Variants in ASXL3 observed in about 807,000 individuals in gnomAD.
The protein encoded by ASXL3 is ASXL transcriptional regulator 3.
A neutral mutation model predicts 170.6 loss-of-function variants in ASXL3; 34 were observed. The observed-to-expected ratio is 0.20, with a 90% CI of 0.15 to 0.27. ASXL3 has a LOEUF of 0.27. Ranked by LOEUF, ASXL3 falls within the 10% of genes least tolerant of loss-of-function variation. The probability of loss-of-function intolerance (pLI) is 1.00; values close to 1 mark genes in which losing one functional copy is unlikely to be tolerated. For missense variants in ASXL3, 2,592 were observed against 2,695.3 expected, an observed-to-expected ratio of 0.96 and a Z score of 0.85; for synonymous variants, 1,002 against 989.1, an observed-to-expected ratio of 1.01 and a Z score of -0.24.
chr18:33,710,493 G>A (rs1383979427), intron 8 of ASXL3, among the ~76,000 whole-genome samples: 3 of 152,128 alleles, frequency 2.0e-5, no homozygotes, highest in East Asian at 3.9e-4. Context: ...CATAGTTCAC[G>A]TAAAGGAATG....
chr18:33,586,534 T>G (rs1384556097), intron 1 of ASXL3, among the ~76,000 whole-genome samples: 2 of 152,168 alleles, frequency 1.3e-5, no homozygotes, highest in African/African-American at 4.8e-5. Context: ...ATCAGATTTC[T>G]TGATAGCTTC....
intron 8 of ASXL3, among the ~76,000 whole-genome samples, chr18:33,695,451 A>G (rs538714195): frequency 3.9e-5 from 6 of 152,188 alleles, no homozygotes; most frequent in African/African-American, 1.4e-4. Context: ...GTGGGTATGG[A>G]GGTATATATA....
At position 33,578,554 on chromosome 18, in the gene ASXL3, C is replaced by T. The variant is rs2064965094; in HGVS notation, c.-78C>T. On this transcript the variant is annotated 5_prime_UTR_variant, in exon 1 of 12. Coordinates refer to ENST00000269197, the MANE Select transcript of ASXL3 (RefSeq NM_030632.3). ...AGTGCGGGTCACCGGGTCACTGGGTCATTGTCTCCGCGCCCGAACCCCGAG... is the reference window on the plus strand; with the variant it reads ...AGTGCGGGTCACCGGGTCACTGGGTTATTGTCTCCGCGCCCGAACCCCGAG... The T allele has an allele frequency of 3.3e-6, 3 of 921,640 alleles. No homozygotes were observed. The highest frequency in any genetic ancestry group is 4.3e-6 in the Non-Finnish European group (3 of 702,302). The allele number at this position is 921,640 out of a possible 1,614,324, so 57.1% of individuals were successfully genotyped here.
At chr18:33,611,518 A>G (rs1263862670) in intron 2 of ASXL3, among the ~76,000 whole-genome samples, 3 of 151,978 alleles carry the variant, frequency 2.0e-5, no homozygotes, top group Non-Finnish European at 2.9e-5. Context: ...TCAACAGTTG[A>G]TCAATCAAAG....
rs918151640 is a variant in ASXL3 at position 33,649,169 on chromosome 18, A to T, written c.355+2816A>T. 6.6e-5 allele frequency among the ~76,000 whole-genome samples: 10 copies of T among 152,230 alleles called. No individual in the cohort carries two copies. In the East Asian group the frequency reaches 1.9e-3, roughly 30 times the overall value. On this transcript the variant is annotated intron_variant, in intron 4 of 11. Coordinates refer to ENST00000269197, the MANE Select transcript of ASXL3 (RefSeq NM_030632.3). The stretch of plus-strand genomic sequence containing the variant: ...AATTATTCACTAATGGGAACATTTC[A>T]GTTAAGGAAAATTGATAATGTGGCA...
chr18:33,603,223 G>A lies in ASXL3; in HGVS notation c.55-4371G>A, dbSNP rs542761906. ...TGTTGATCTTAGAGATACTTAGAAT[G>A]AGTTTTCTCTTTGAGAGACACCAAG... On this transcript the variant is annotated intron_variant, in intron 1 of 11. Transcript: ENST00000269197. 1.2e-4 allele frequency among the ~76,000 whole-genome samples: 19 copies of A among 152,102 alleles called. No homozygotes were observed. In the East Asian group the frequency reaches 3.5e-3, roughly 28 times the overall value.
intron 10 of ASXL3, among the ~76,000 whole-genome samples, chr18:33,737,931 G>T (rs910620240): frequency 1.3e-5 from 2 of 151,906 alleles, no homozygotes; most frequent in African/African-American, 2.4e-5. Context: ...TCTACTTGCA[G>T]ATTTAAAAAA....
chr18:33,717,335 A>G (rs887384667), intron 8 of ASXL3, among the ~76,000 whole-genome samples: 1 of 152,148 alleles, frequency 6.6e-6, no homozygotes, highest in Admixed American at 6.6e-5. Flanking sequence ...TTTTAAGGGC[A>G]TATTTGAGAA....
chr18:33,741,109 G>T (rs1480719579), intron 11 of ASXL3, among the ~76,000 whole-genome samples: 1 of 152,170 alleles, frequency 6.6e-6, no homozygotes, highest in Non-Finnish European at 1.5e-5. Flanking sequence ...TAGTAAGCAA[G>T]ATTCTAGAGG....
intron 2 of ASXL3, among the ~76,000 whole-genome samples, chr18:33,633,902 T>C (rs1041213768): frequency 6.6e-6 from 1 of 150,800 alleles, no homozygotes; most frequent in Non-Finnish European, 1.5e-5. Flanking sequence ...TGTTAAGGCA[T>C]TGAAAGAATT....
chr18:33,596,207 AGAAGACATATAGCTTAGTTCCTT>A (rs2065125308), intron 1 of ASXL3, among the ~76,000 whole-genome samples: 1 of 152,214 alleles, frequency 6.6e-6, no homozygotes, highest in South Asian at 2.1e-4. Context: ...TGAATATGAA[AGAAGACATATAGCTTAGTTCCTT>A]CCTTTCATTT....
chr18:33,709,606 T>C (rs1278770425), intron 8 of ASXL3, among the ~76,000 whole-genome samples: 1 of 152,196 alleles, frequency 6.6e-6, no homozygotes. Flanking sequence ...TAGATTACTC[T>C]TAGGGATTAG....
intron 4 of ASXL3, among the ~76,000 whole-genome samples, chr18:33,648,421 T>C (rs2065948605): frequency 6.6e-6 from 1 of 152,092 alleles, no homozygotes. Flanking sequence ...TTTGAGTATG[T>C]GAGCAAGTTG....
In ASXL3 at chr18:33,743,930, C is replaced by G. The variant is rs747314900; in HGVS notation, c.4082C>G (p.Pro1361Arg). 3.1e-6 allele frequency: 5 copies of G among 1,613,988 alleles called. No homozygotes were observed. Among genetic ancestry groups the G allele is most frequent in the Non-Finnish European group, 4.2e-6 (5 of 1,179,902 alleles). The change falls in exon 12 of 12, where the codon CCC (proline) becomes CGC (arginine). Residue 1361 changes from proline to arginine, a missense_variant. This residue lies in a region of ASXL3 where 2,246 missense variants were observed against 2,219.6 expected (regional missense o/e 1.01). Coordinates refer to ENST00000269197, the MANE Select transcript of ASXL3 (RefSeq NM_030632.3). ...CTCTCCACTAGCTCTGTCTTGATTC[C>G]CCCAATGGGAATTAACAACAGATTT... Reference protein sequence around the residue: ...PNLSTSSVLIPPMGINNRFPS... With the variant: ...PNLSTSSVLIRPMGINNRFPS...
chr18:33,590,111 GT>G lies in ASXL3; in HGVS notation c.54+11445del, dbSNP rs567969303. Among the ~76,000 whole-genome samples the G allele has an allele frequency of 4.7e-3, 387 of 83,186 alleles. 3 individuals are homozygous for G. Among genetic ancestry groups the G allele is most frequent in the Middle Eastern group, 0.018 (3 of 166 alleles). The allele number at this position is 83,186 out of a possible 152,430, so 54.6% of individuals were successfully genotyped here. ...TGTCGTCAAGGTATTTGCTTTCTAT[GT>G]TTTTTTTTTTTTTTTTTTGCTTTGT... On this transcript the variant is annotated intron_variant, in intron 1 of 11. Coordinates refer to ENST00000269197, the MANE Select transcript of ASXL3 (RefSeq NM_030632.3).
At chr18:33,638,196 CTTAT>C (rs2065798344) in intron 2 of ASXL3, among the ~76,000 whole-genome samples, 3 of 149,390 alleles carry the variant, frequency 2.0e-5, no homozygotes, top group South Asian at 2.1e-4. Context: ...GTATATATAT[CTTAT>C]TTATGATATA....
rs1000924180 is a variant in ASXL3 at position 33,742,828 on chromosome 18, G to C, written c.3040-60G>C. ...TTTCCCTTGCATTATCACATTCTAC[G>C]TGCCTCCTCTGTGATCATGTATGAA... On this transcript the variant is annotated intron_variant, in intron 11 of 11. Transcript: ENST00000269197. The C allele has an allele frequency of 3.3e-6, 5 of 1,506,788 alleles. No homozygotes were observed. The Admixed American group carries it at 7.0e-5, about 21-fold the overall frequency. 93.3% of individuals were successfully genotyped at this position (1,506,788 alleles called of 1,614,324 possible).
rs902264014 is a variant in ASXL3, at chr18:33,729,219, C to T, written c.880-2749C>T. ...AGAGAGAAGCCCTTTGGACAACTGT[C>T]GCTCATTTATTGGAGAAAATGTGTA... On this transcript the variant is annotated intron_variant, in intron 8 of 11. Transcript: ENST00000269197. Among the ~76,000 whole-genome samples, 6 of 152,140 alleles carry T rather than the reference C, an allele frequency of 3.9e-5. 1 individual carries two copies. The South Asian group carries it at 1.2e-3, about 32-fold the overall frequency.
At chr18:33,716,255 C>G (rs1376310459) in intron 8 of ASXL3, among the ~76,000 whole-genome samples, 1 of 152,084 alleles carries the variant, frequency 6.6e-6, no homozygotes, top group African/African-American at 2.4e-5. Context: ...AAAAGCAGAC[C>G]CGTGGAACAT....
Sources: gnomAD v4.1 joint callset for allele counts (sites outside exome capture counted in the v4.1 genomes callset) on GRCh38, gnomAD v4.1.1 for gene constraint, gnomAD v4.1.1 regional missense constraint, MANE v1.5 for transcripts, NCBI Gene and HGNC (gene_info 2026-07-23, HGNC 2026-07-21) for gene names.